PDE2A: variants seen among roughly 807,000 people sequenced by gnomAD.
PDE2A encodes the protein cGMP-dependent 3',5'-cyclic phosphodiesterase.
In PDE2A, 53 loss-of-function variants were observed where a neutral mutation model predicts 133.6. The ratio of observed to expected loss-of-function variants is 0.40; its 90% CI spans 0.32 to 0.50. PDE2A has a LOEUF of 0.50. Among genes scored for constraint, PDE2A ranks in the 20% least tolerant of loss-of-function variants. PDE2A has a pLI of 0.73. For synonymous variants in PDE2A, 491 were observed against 490.2 expected (o/e 1.00, Z -0.02); for missense variants, 796 against 1,232.4 (o/e 0.65, Z 5.30).
At chr11:72,656,193 C>T (rs906499005) in intron 1 of PDE2A, among the ~76,000 whole-genome samples, 3 of 152,206 alleles carry the variant, frequency 2.0e-5, no homozygotes, top group Admixed American at 6.5e-5. Context: ...GAGGGCCAGA[C>T]GCTAGGCCCA....
chr11:72,659,118 C>CCCA (rs1425265652), intron 1 of PDE2A, among the ~76,000 whole-genome samples: 1 of 151,864 alleles, frequency 6.6e-6, no homozygotes, highest in African/African-American at 2.4e-5. Flanking sequence ...AAGGAACCTG[C>CCCA]CCAAGCCCAC....
chr11:72,583,064 A>T (rs1855794266), intron 20 of PDE2A, among the ~76,000 whole-genome samples: 1 of 152,232 alleles, frequency 6.6e-6, no homozygotes, highest in African/African-American at 2.4e-5. Flanking sequence ...ATAGATTATC[A>T]GCAATTAAGA....
intron 2 of PDE2A, among the ~76,000 whole-genome samples, chr11:72,613,698 A>G (rs1565170837): frequency 6.6e-6 from 1 of 151,960 alleles, no homozygotes; most frequent in African/African-American, 2.4e-5. Flanking sequence ...CAAACCTCCA[A>G]ATAGTCACCT....
intron 20 of PDE2A, 26 bp downstream of exon 20, chr11:72,583,412 G>A: frequency 6.5e-7 from 1 of 1,529,570 alleles, no homozygotes; most frequent in Non-Finnish European, 9.1e-7. Flanking sequence ...TCTGGGAGGA[G>A]GACCAGAGGT....
chr11:72,589,873 C>G, intron 10 of PDE2A, 34 bp downstream of exon 10: 2 of 1,609,266 alleles, frequency 1.2e-6, no homozygotes, highest in South Asian at 2.2e-5. Flanking sequence ...TCGCCCAGCC[C>G]CGCCCCCGCT....
At chr11:72,634,551 C>T (rs1453685141) in intron 2 of PDE2A, among the ~76,000 whole-genome samples, 1 of 152,218 alleles carries the variant, frequency 6.6e-6, no homozygotes, top group Admixed American at 6.5e-5. Context: ...AACTGTGCAG[C>T]TGTACTGGGC....
At chr11:72,592,194 G>T (rs1364462289) in intron 6 of PDE2A, among the ~76,000 whole-genome samples, 1 of 152,116 alleles carries the variant, frequency 6.6e-6, no homozygotes, top group African/African-American at 2.4e-5. Context: ...AGGGAGGGTG[G>T]CAGCCTAGGG....
chr11:72,580,741 CA>C, intron 24 of PDE2A, 117 bp from the exon 25 acceptor site: 1 of 1,021,050 alleles, frequency 9.8e-7, no homozygotes, highest in Non-Finnish European at 1.5e-6. Context: ...ATCTCAGAGC[CA>C]GGGGCAAACC....
intron 2 of PDE2A, among the ~76,000 whole-genome samples, chr11:72,635,481 C>T (rs533081156): frequency 9.8e-5 from 15 of 152,350 alleles, no homozygotes; most frequent in Non-Finnish European, 2.1e-4. Context: ...GTATCTCTAG[C>T]TCCTAGAGCC....
rs79442994 is a variant in PDE2A, at chr11:72,658,475, C to T, written c.71+15662G>A. 1.2e-3 allele frequency among the ~76,000 whole-genome samples: 176 copies of T among 152,210 alleles called. 1 individual carries two copies. Among genetic ancestry groups the T allele is most frequent in the African/African-American group, 3.6e-3 (151 of 41,536 alleles). On this transcript the variant is annotated intron_variant, in intron 1 of 30. Transcript: ENST00000334456. ...CCTGCAACCTCCCCACCTGCCCCCC[C>T]ACACACCCTAGATTTTTTCTGTTTT...
intron 6 of PDE2A, among the ~76,000 whole-genome samples, chr11:72,591,705 A>G (rs1175296351): frequency 6.6e-6 from 1 of 152,172 alleles, no homozygotes; most frequent in Non-Finnish European, 1.5e-5. Context: ...TGATTTTAGA[A>G]TTGGTGGTAT....
chr11:72,661,780 G>A lies in PDE2A; in HGVS notation c.71+12357C>T, dbSNP rs1226372577. Among the ~76,000 whole-genome samples, 4 of 152,206 alleles carry A rather than the reference G, an allele frequency of 2.6e-5. No homozygotes were observed. In the East Asian group the frequency reaches 7.7e-4, roughly 29 times the overall value. On this transcript the variant is annotated intron_variant, in intron 1 of 30. Transcript: ENST00000334456. ...ATCTGTGTATACTTCAAGTGCAAGT[G>A]CTTCCCTGCGATGCGCCACACATGT...
chr11:72,639,698 C>CTCCG (rs2135433051), intron 2 of PDE2A, among the ~76,000 whole-genome samples: 1 of 152,298 alleles, frequency 6.6e-6, no homozygotes, highest in East Asian at 1.9e-4. Flanking sequence ...ACATTGCCTG[C>CTCCG]CGCCCGCCTG....
chr11:72,621,964 G>T lies in PDE2A; in HGVS notation c.145-13213C>A, dbSNP rs532843242. On this transcript the variant is annotated intron_variant, in intron 2 of 30. Transcript: ENST00000334456. ...TTATCTGATAAAGAGGTAATATCTG[G>T]AATATATAAAGAACCCCTGCAATTC... 4 of 152,178 alleles carry T rather than the reference G, an allele frequency of 2.6e-5. No homozygotes were observed. The East Asian group carries it at 7.7e-4, about 29-fold the overall frequency. 9.4% of individuals were successfully genotyped at this position (152,178 alleles called of 1,614,324 possible). A position where few individuals can be genotyped will look rare whatever the true frequency, so the allele number is the denominator to read the frequency against.
chr11:72,590,461 G>A lies in PDE2A; in HGVS notation c.669C>T (p.Tyr223=). 1 of 1,546,102 alleles carries A rather than the reference G, an allele frequency of 6.5e-7. No homozygotes were observed. Among genetic ancestry groups the A allele is most frequent in the South Asian group, 1.2e-5 (1 of 80,900 alleles). ...TAEDQKGGAA[Y]TDRDRKILQL... is the part of the protein sequence containing the mutation. The stretch of plus-strand genomic sequence containing the variant: ...GGAGGATCTTGCGGTCGCGGTCGGT[G>A]TACGCCGCCCCGCCCTTCTGGTCTT... The change falls in exon 8 of 31, where the codon TAC becomes TAT. Residue 223 remains tyrosine (Y), a synonymous_variant. Coordinates refer to ENST00000334456, the MANE Select transcript of PDE2A (RefSeq NM_002599.5). This position sits in a 1 kb window ranked among gnomAD's most constrained non-coding sequence, Gnocchi z 4.8.
intron 4 of PDE2A, chr11:72,598,475 C>G (rs1379826963): frequency 7.0e-6 from 9 of 1,283,574 alleles, no homozygotes; most frequent in East Asian, 5.6e-5. Context: ...TCCTCTACCC[C>G]CCAGCCTCTG....
rs538189481 is a variant in PDE2A at position 72,585,937 on chromosome 11, T to G, written c.1182+133A>C. 3 of 667,650 alleles carry G rather than the reference T, an allele frequency of 4.5e-6. No homozygotes were observed. In the African/African-American group the frequency reaches 5.4e-5, roughly 12 times the overall value. The allele number at this position is 667,650 out of a possible 1,614,324, so 41.4% of individuals were successfully genotyped here. ...TGAACAACTGCAAGCCTTCAAGTTATGAGGTTATGGAGCCACCTGGGGAAG... is the reference window on the plus strand; with the variant it reads ...TGAACAACTGCAAGCCTTCAAGTTAGGAGGTTATGGAGCCACCTGGGGAAG... On this transcript the variant is annotated intron_variant, in intron 14 of 30. Coordinates refer to ENST00000334456, the MANE Select transcript of PDE2A (RefSeq NM_002599.5).
chr11:72,631,464 C>T (rs1858379129), intron 2 of PDE2A, among the ~76,000 whole-genome samples: 1 of 152,182 alleles, frequency 6.6e-6, no homozygotes, highest in African/African-American at 2.4e-5. Context: ...CCAGGGAGCT[C>T]TACTAGCCCT....
rs538662925 is a variant in PDE2A at position 72,589,280 on chromosome 11, C to T, written c.874-40G>A. The T allele has an allele frequency of 1.4e-5, 21 of 1,495,822 alleles. No homozygotes were observed. The South Asian group carries it at 2.2e-4, about 15-fold the overall frequency. The allele number at this position is 1,495,822 out of a possible 1,614,324, so 92.7% of individuals were successfully genotyped here. On this transcript the variant is annotated intron_variant, in intron 11 of 30. Transcript: ENST00000334456. Reference sequence around the variant, plus strand: ...GAGACTGAGTCAGGGCCCAGTACTCCCCAGGTCAGGGGATCTCAACCTGTC... The same window carrying T: ...GAGACTGAGTCAGGGCCCAGTACTCTCCAGGTCAGGGGATCTCAACCTGTC...
Sources: gnomAD v4.1 joint callset for allele counts (sites outside exome capture counted in the v4.1 genomes callset) on GRCh38, gnomAD v4.1.1 for gene constraint, Gnocchi (gnomAD v3.1) non-coding constraint, MANE v1.5 for transcripts, NCBI Gene and HGNC (gene_info 2026-07-23, HGNC 2026-07-21) for gene names.